The following ESRRB variants were observed in gnomAD, a reference collection of about 807,000 sequenced individuals.
ESRRB encodes the protein steroid hormone receptor ERR2.
A neutral mutation model predicts 46.0 loss-of-function variants in ESRRB; 16 were observed. That is an observed-to-expected ratio of 0.35 (90% CI 0.24 to 0.53). The LOEUF (loss-of-function observed/expected upper bound fraction) is 0.53, where lower values mean the gene tolerates loss of function less well. Among genes scored for constraint, ESRRB ranks in the 20% least tolerant of loss-of-function variants. The probability of loss-of-function intolerance (pLI) is 0.93; values close to 1 mark genes in which losing one functional copy is unlikely to be tolerated. For synonymous variants in ESRRB, 246 were observed against 259.6 expected, an observed-to-expected ratio of 0.95 and a Z score of 0.50; for missense variants, 488 against 607.4, an observed-to-expected ratio of 0.80 and a Z score of 2.07.
intron 6 of ESRRB, among the ~76,000 whole-genome samples, chr14:76,496,758 T>C (rs1890446798): frequency 1.3e-5 from 2 of 152,036 alleles, no homozygotes; most frequent in African/African-American, 4.8e-5. Flanking sequence ...CAGGTGTGGC[T>C]CCAGTGGCTC....
chr14:76,482,563 C>A lies in ESRRB; in HGVS notation c.689-35C>A. 4.3e-6 allele frequency: 7 copies of A among 1,609,604 alleles called. No individual in the cohort carries two copies. The highest frequency in any genetic ancestry group is 5.1e-6 in the Non-Finnish European group (6 of 1,177,628). ...TCCACCCCGGCCCCTTTCCTCTTTT[C>A]CCAGCATTTACCTTTCCCTCTTTGG... On this transcript the variant is annotated intron_variant, in intron 4 of 6. Transcript: ENST00000644823. The surrounding 1 kb of genome is among the most constrained non-coding windows in gnomAD (Gnocchi z 4.3).
chr14:76,341,915 G>A (rs1884195857), intron 1 of ESRRB, among the ~76,000 whole-genome samples: 1 of 152,236 alleles, frequency 6.6e-6, no homozygotes. Flanking sequence ...AAAACCTGCT[G>A]GAGAATGGTG....
intron 1 of ESRRB, among the ~76,000 whole-genome samples, chr14:76,360,993 A>T (rs1291370519): frequency 6.6e-6 from 1 of 152,216 alleles, no homozygotes; most frequent in Admixed American, 6.5e-5. Context: ...AAATGGCAAG[A>T]CATCTTATAC....
chr14:76,485,992 CA>C (rs1490298888), intron 5 of ESRRB, among the ~76,000 whole-genome samples: 1 of 152,160 alleles, frequency 6.6e-6, no homozygotes, highest in African/African-American at 2.4e-5. Flanking sequence ...GGCTGACATC[CA>C]GGGGGAGCTT....
chr14:76,457,348 C>T (rs1888656567), intron 2 of ESRRB, among the ~76,000 whole-genome samples: 2 of 152,176 alleles, frequency 1.3e-5, no homozygotes, highest in Non-Finnish European at 2.9e-5. Context: ...TCCTGGAATC[C>T]TTTGGTTGTA....
chr14:76,477,729 C>A (rs1431811313), intron 3 of ESRRB, among the ~76,000 whole-genome samples: 1 of 150,994 alleles, frequency 6.6e-6, no homozygotes, highest in African/African-American at 2.4e-5. Flanking sequence ...ATAATTAAAC[C>A]CAACAGGCTA....
rs1286301937 is a variant in ESRRB, at chr14:76,376,410, G to A, written c.9G>A (p.Val3=). The A allele has an allele frequency of 4.1e-6, 5 of 1,231,574 alleles. No homozygotes were observed. The African/African-American group carries it at 7.8e-5, about 19-fold the overall frequency. The allele number at this position is 1,231,574 out of a possible 1,614,324, so 76.3% of individuals were successfully genotyped here. A position where few individuals can be genotyped will look rare whatever the true frequency, so the allele number is the denominator to read the frequency against. The part of the protein sequence containing the change: MD[V]SELCIPDPLG... ...ATGCTAAAACGGGACTGATGGACGTGTCCGAACTCTGCATCCCGGACCCCC... is the reference window on the plus strand; with the variant it reads ...ATGCTAAAACGGGACTGATGGACGTATCCGAACTCTGCATCCCGGACCCCC... The change falls in exon 1 of 7, where the codon GTG becomes GTA. Residue 3 remains valine, a synonymous_variant. Coordinates refer to ENST00000644823, the MANE Select transcript of ESRRB (RefSeq NM_001379180.1). This position sits in a 1 kb window ranked among gnomAD's most constrained non-coding sequence, Gnocchi z 4.1.
In ESRRB at chr14:76,460,646, G is replaced by T. The variant is rs117590606; in HGVS notation, c.461-1899G>T. Among the ~76,000 whole-genome samples, 707 of 152,148 alleles carry T rather than the reference G, an allele frequency of 4.6e-3. 6 individuals are homozygous for T. The highest frequency in any genetic ancestry group is 7.2e-3 in the Non-Finnish European group (492 of 68,016). ...CCTCAAGCACTTTGGGACAGGAGTC[G>T]AAGAGACACAATACCAAAACAGTAC... On this transcript the variant is annotated intron_variant, in intron 2 of 6. Coordinates refer to ENST00000644823, the MANE Select transcript of ESRRB (RefSeq NM_001379180.1).
Position 76,456,895 on chromosome 14 carries a change from A to C in ESRRB, c.461-5650A>C, listed in dbSNP as rs1019791663. Among the ~76,000 whole-genome samples, 37 of 152,142 alleles carry C rather than the reference A, an allele frequency of 2.4e-4. 1 individual carries two copies. Among genetic ancestry groups the C allele is most frequent in the Non-Finnish European group, 2.9e-5 (2 of 68,012 alleles). On this transcript the variant is annotated intron_variant, in intron 2 of 6. Coordinates refer to ENST00000644823, the MANE Select transcript of ESRRB (RefSeq NM_001379180.1). ...TGGTCCCTGTCTCCAGAGGTGTGTAAATAAGGGAGTGGAACTGAGTGACCA... is the reference window on the plus strand; with the variant it reads ...TGGTCCCTGTCTCCAGAGGTGTGTACATAAGGGAGTGGAACTGAGTGACCA...
At chr14:76,339,415 A>G (rs188061051) in intron 1 of ESRRB, among the ~76,000 whole-genome samples, 3 of 152,340 alleles carry the variant, frequency 2.0e-5, no homozygotes, top group Admixed American at 2.0e-4. Flanking sequence ...GTCAGTGCCC[A>G]TGAATGGTAG....
chr14:76,498,627 GT>G lies in ESRRB; in HGVS notation c.*170del. 1 of 1,344,254 alleles carries G rather than the reference GT, an allele frequency of 7.4e-7. No individual in the cohort carries two copies. The allele number at this position is 1,344,254 out of a possible 1,614,324, so 83.3% of individuals were successfully genotyped here. ...GGCTGTGTGCAGACTCCCGGGTGCAGTGGGGTGGGGGACGGGGATGGGGGGG... is the reference window on the plus strand; with the variant it reads ...GGCTGTGTGCAGACTCCCGGGTGCAGGGGGTGGGGGACGGGGATGGGGGGG... On this transcript the variant is annotated 3_prime_UTR_variant, in exon 7 of 7. Coordinates refer to ENST00000644823, the MANE Select transcript of ESRRB (RefSeq NM_001379180.1).
chr14:76,402,265 T>G (rs1885977237), intron 1 of ESRRB, among the ~76,000 whole-genome samples: 1 of 152,228 alleles, frequency 6.6e-6, no homozygotes, highest in South Asian at 2.1e-4. Context: ...CCCGGTCAAG[T>G]TGACACTCAA....
At chr14:76,452,596 G>A (rs1214569591) in intron 2 of ESRRB, among the ~76,000 whole-genome samples, 2 of 145,244 alleles carry the variant, frequency 1.4e-5, no homozygotes, top group African/African-American at 2.6e-5. Flanking sequence ...CTCCAGCCTG[G>A]GCAACAGAGT....
chr14:76,372,443 AG>A (rs574669423), upstream of ESRRB, among the ~76,000 whole-genome samples: 67 of 152,296 alleles, frequency 4.4e-4, 1 homozygote, highest in African/African-American at 1.6e-3. Flanking sequence ...TCTGTCCACC[AG>A]GTAAAGAGTG....
At chr14:76,368,316 C>A (rs752538636), upstream of ESRRB, among the ~76,000 whole-genome samples, 7 of 151,966 alleles carry the variant, frequency 4.6e-5, no homozygotes, top group African/African-American at 1.7e-4. Flanking sequence ...GAGTGTAAAA[C>A]GCCCTCTGTG....
chr14:76,456,533 T>TG (rs1319202988), intron 2 of ESRRB, among the ~76,000 whole-genome samples: 1 of 152,008 alleles, frequency 6.6e-6, no homozygotes, highest in African/African-American at 2.4e-5. Flanking sequence ...GGAAGTAGGA[T>TG]GAAAAGGATC....
At chr14:76,423,722 T>C (rs1887075263) in intron 1 of ESRRB, among the ~76,000 whole-genome samples, 1 of 152,204 alleles carries the variant, frequency 6.6e-6, no homozygotes, top group South Asian at 2.1e-4. Context: ...TCAACAAATA[T>C]TTATTCTGCA....
intron 1 of ESRRB, among the ~76,000 whole-genome samples, chr14:76,438,142 G>A (rs1160566472): frequency 6.6e-6 from 1 of 152,208 alleles, no homozygotes; most frequent in East Asian, 1.9e-4. Flanking sequence ...GAGGGTTTGG[G>A]AGCCACCTTC....
chr14:76,479,811 T>C (rs530745389), intron 3 of ESRRB, among the ~76,000 whole-genome samples: 2 of 152,278 alleles, frequency 1.3e-5, no homozygotes, highest in East Asian at 1.9e-4. Flanking sequence ...CAGATATCCA[T>C]TGAGGGGTGG....
Sources: allele counts gnomAD v4.1 joint callset (sites outside exome capture counted in the v4.1 genomes callset), GRCh38; gene constraint gnomAD v4.1.1; non-coding constraint Gnocchi (gnomAD v3.1); transcripts MANE v1.5; gene names NCBI Gene and HGNC (gene_info 2026-07-23, HGNC 2026-07-21).